The following IRF2 variants were observed in gnomAD, a reference collection of about 807,000 sequenced individuals.
IRF2 encodes the protein interferon regulatory factor 2.
Under a neutral mutation model 40.6 loss-of-function variants are expected in IRF2, and 15 were observed. The ratio of observed to expected loss-of-function variants is 0.37; its 90% CI spans 0.25 to 0.57. The LOEUF is 0.57. Ranked by LOEUF, IRF2 falls within the 20% of genes least tolerant of loss-of-function variation. The pLI is 0.77. For missense variants in IRF2, 317 were observed against 455.7 expected (o/e 0.70, Z 2.77); for synonymous variants, 151 against 165.5 (o/e 0.91, Z 0.67).
intron 5 of IRF2, among the ~76,000 whole-genome samples, chr4:184,410,369 G>A (rs1737028246): frequency 6.6e-6 from 1 of 152,190 alleles, no homozygotes; most frequent in South Asian, 2.1e-4. Context: ...CAACAAAACT[G>A]TGCTCTCCCA....
intron 1 of IRF2, among the ~76,000 whole-genome samples, chr4:184,442,913 C>T (rs933187876): frequency 3.0e-4 from 5 of 16,830 alleles, no homozygotes; most frequent in African/African-American, 8.8e-4. Context: ...GTGGGGGCAG[C>T]GGGGTGGGAG....
chr4:184,419,588 A>AT lies in IRF2; in HGVS notation c.88-21_88-20insA. 6.5e-7 allele frequency: 1 copy of AT among 1,541,208 alleles called. No individual in the cohort carries two copies. Among genetic ancestry groups the AT allele is most frequent in the Non-Finnish European group, 8.9e-7 (1 of 1,127,612 alleles). ...CTTTTCCTGAAAAAAAAAAAAAAAA[A>AT]AAAGGTAAAGAACTGGAGTCATGGG... On this transcript the variant is annotated intron_variant, in intron 2 of 8. Transcript: ENST00000393593.
chr4:184,399,147 AAG>A, intron 6 of IRF2, 68 bp from the exon 7 acceptor site: 5 of 1,490,804 alleles, frequency 3.4e-6, no homozygotes, highest in Non-Finnish European at 8.9e-7. Context: ...TTTCTCAAGA[AAG>A]AGTCTTCCCC....
chr4:184,390,259 A>G lies in IRF2; in HGVS notation c.741+444T>C, dbSNP rs62337743. On this transcript the variant is annotated intron_variant, in intron 8 of 8. Transcript: ENST00000393593. Reference sequence around the variant, plus strand: ...ACTCGGAATCGAGATGGGGCACACAACCAGCTCTGGGCACGGGTCACAGCG... The same window carrying G: ...ACTCGGAATCGAGATGGGGCACACAGCCAGCTCTGGGCACGGGTCACAGCG... Among the ~76,000 whole-genome samples, 1,320 of 152,290 alleles carry G rather than the reference A, an allele frequency of 8.7e-3. 12 individuals are homozygous for G. The highest frequency in any genetic ancestry group is 0.013 in the Non-Finnish European group (878 of 68,020).
chr4:184,397,471 C>A (rs1218187423), intron 7 of IRF2, among the ~76,000 whole-genome samples: 1 of 151,806 alleles, frequency 6.6e-6, no homozygotes, highest in African/African-American at 2.4e-5. Flanking sequence ...AACTGTGTAC[C>A]TAAAAATGGC....
intron 7 of IRF2, among the ~76,000 whole-genome samples, chr4:184,392,974 G>A (rs1171999076): frequency 6.6e-6 from 1 of 152,148 alleles, no homozygotes; most frequent in Admixed American, 6.5e-5. Context: ...GACGATCCCA[G>A]CTATGAAGAT....
intron 4 of IRF2, 117 bp downstream of exon 4, chr4:184,418,415 T>G (rs374385619): frequency 3.8e-6 from 4 of 1,054,508 alleles, no homozygotes; most frequent in African/African-American, 3.1e-5. Context: ...AATGATCCCC[T>G]ACAGCATGAA....
intron 1 of IRF2, among the ~76,000 whole-genome samples, chr4:184,457,891 C>T (rs928508860): frequency 6.6e-6 from 1 of 152,092 alleles, no homozygotes; most frequent in African/African-American, 2.4e-5. Flanking sequence ...CGGAACAAAA[C>T]CCTTCCTTAC....
At chr4:184,438,871 C>T (rs544100212) in intron 1 of IRF2, among the ~76,000 whole-genome samples, 1 of 152,236 alleles carries the variant, frequency 6.6e-6, no homozygotes, top group East Asian at 1.9e-4. Context: ...TGGCCTGAGA[C>T]CTTCCTATGC....
chr4:184,457,396 C>T (rs1014582051), intron 1 of IRF2, among the ~76,000 whole-genome samples: 9 of 152,134 alleles, frequency 5.9e-5, no homozygotes, highest in Admixed American at 3.3e-4. Flanking sequence ...ACACTCTGGG[C>T]GGATAGGAAG....
intron 1 of IRF2, chr4:184,431,863 GA>G (rs56046089): frequency 0.5 from 71,859 of 142,438 alleles, 17,927 homozygotes; most frequent in East Asian, 0.57. Context: ...CCAGTTGGGG[GA>G]AAAAAAAAAA....
At chr4:184,424,566 T>C (rs1737600932) in intron 2 of IRF2, among the ~76,000 whole-genome samples, 1 of 152,198 alleles carries the variant, frequency 6.6e-6, no homozygotes, top group Admixed American at 6.5e-5. Context: ...GAGCATGCTC[T>C]TTCCCCGCAC....
In IRF2 at chr4:184,405,244, AAAAAC is replaced by A. The variant is rs552519766; in HGVS notation, c.529+2909_529+2913del. The stretch of plus-strand genomic sequence containing the variant: ...GGGCAACAGAGTGAAACTCGGTCTC[AAAAAC>A]AAAACAAAACAAAACAAAACTCAGT... On this transcript the variant is annotated intron_variant, in intron 6 of 8. Coordinates refer to ENST00000393593, the MANE Select transcript of IRF2 (RefSeq NM_002199.4). Among the ~76,000 whole-genome samples the A allele has an allele frequency of 5.4e-4, 82 of 152,306 alleles. 1 individual carries two copies. The highest frequency in any genetic ancestry group is 1.8e-3 in the African/African-American group (74 of 41,562).
chr4:184,414,646 C>A (rs1737196874), intron 5 of IRF2, among the ~76,000 whole-genome samples: 1 of 152,266 alleles, frequency 6.6e-6, no homozygotes, highest in Admixed American at 6.5e-5. Context: ...CGTTTCTGCA[C>A]CTGCCACATG....
At chr4:184,454,982 G>A (rs555453238) in intron 1 of IRF2, among the ~76,000 whole-genome samples, 3 of 152,172 alleles carry the variant, frequency 2.0e-5, no homozygotes, top group African/African-American at 7.2e-5. Context: ...TGTTCCACAA[G>A]GAGCAAGACG....
In IRF2 at chr4:184,419,556, A is replaced by T. The variant is rs2149900561; in HGVS notation, c.100T>A (p.Phe34Ile). ...LKWLNKEKKIFQIPWMHAARH... is the reference protein window; with the variant it reads ...LKWLNKEKKIIQIPWMHAARH... ...GCCGCATGCATCCAGGGGATCTGAA[A>T]AATCTTCTTTTCCTGAAAAAAAAAA... is the stretch of plus-strand genomic sequence containing the variant. Residue 34 changes from phenylalanine (F) to isoleucine (I), a missense_variant, in exon 3 of 9, where the codon TTT becomes ATT. Phe to Ile is a conservative substitution (Grantham distance 21). This residue lies in a region of IRF2 where 55 missense variants were observed against 121.7 expected (regional missense o/e 0.45). Coordinates refer to ENST00000393593, the MANE Select transcript of IRF2 (RefSeq NM_002199.4). The T allele has an allele frequency of 6.5e-7, 1 of 1,537,280 alleles. No homozygotes were observed. The highest frequency in any genetic ancestry group is 8.9e-7 in the Non-Finnish European group (1 of 1,122,336).
intron 5 of IRF2, among the ~76,000 whole-genome samples, chr4:184,412,533 A>C (rs577591800): frequency 6.5e-4 from 97 of 149,948 alleles, no homozygotes; most frequent in African/African-American, 1.7e-3. Flanking sequence ...CATCAAATTT[A>C]AGGACATCTC....
chr4:184,466,567 G>C (rs1311744764), intron 1 of IRF2, among the ~76,000 whole-genome samples: 1 of 152,176 alleles, frequency 6.6e-6, no homozygotes, highest in African/African-American at 2.4e-5. Context: ...TACCAAGGAA[G>C]ATCAGTACGG....
At chr4:184,398,853 C>CACCAT in intron 7 of IRF2, 62 bp downstream of exon 7, 2 of 1,488,870 alleles carry the variant, frequency 1.3e-6, no homozygotes, top group Non-Finnish European at 1.8e-6. Context: ...GATGGGTGAC[C>CACCAT]CTAGACCAAA....
Sources: allele counts gnomAD v4.1 joint callset (sites outside exome capture counted in the v4.1 genomes callset), GRCh38; gene constraint gnomAD v4.1.1; regional missense constraint gnomAD v4.1.1; transcripts MANE v1.5; gene names NCBI Gene and HGNC (gene_info 2026-07-23, HGNC 2026-07-21).